The following DSC1 variants were observed in gnomAD, a reference collection of about 807,000 sequenced individuals.
DSC1 encodes the protein desmocollin-1.
A neutral mutation model predicts 98.8 loss-of-function variants in DSC1; 79 were observed. The observed-to-expected ratio is 0.80, with a 90% CI of 0.67 to 0.96. DSC1 has a LOEUF of 0.96. Among genes scored for constraint, DSC1 ranks in the 50% least tolerant of loss-of-function variants. The pLI is 0.00. For synonymous variants in DSC1, 405 were observed against 372.1 expected (o/e 1.09, Z -1.02); for missense variants, 1,115 against 1,075.9 (o/e 1.04, Z -0.51).
chr18:31,155,919 A>C (rs760776536), intron 4 of DSC1, 124 bp downstream of exon 4: 37 of 1,016,378 alleles, frequency 3.6e-5, no homozygotes, highest in African/African-American at 6.5e-5. Context: ...GTTCTGGTGA[A>C]TAGATGATCA....
intron 7 of DSC1, among the ~76,000 whole-genome samples, chr18:31,144,941 T>C (rs1474007506): frequency 2.4e-5 from 3 of 125,150 alleles, no homozygotes; most frequent in Admixed American, 7.7e-5. Context: ...TTTTTCTTTC[T>C]TTTTTTTTTT....
chr18:31,150,218 A>AT (rs1988941297), intron 5 of DSC1, among the ~76,000 whole-genome samples: 2 of 144,188 alleles, frequency 1.4e-5, no homozygotes, highest in African/African-American at 2.6e-5. Flanking sequence ...CACCACCATC[A>AT]CCACCACTAC....
chr18:31,157,536 G>T lies in DSC1; in HGVS notation c.186C>A (p.Ile62=). The change falls in exon 3 of 16, where the codon ATC becomes ATA. Residue 62 remains isoleucine (I), a synonymous_variant. Coordinates refer to ENST00000257198, the MANE Select transcript of DSC1 (RefSeq NM_024421.2). ...LEECLKSASL[I]RSSDPAFRIL... is the part of the protein sequence containing the mutation. ...TTCTGAAGGCAGGGTCACTGGACCG[G>T]ATTAGGCTGGCCGACTTGAGACACT... 6.2e-7 allele frequency: 1 copy of T among 1,614,190 alleles called. No individual in the cohort carries two copies. The highest frequency in any genetic ancestry group is 8.5e-7 in the Non-Finnish European group (1 of 1,180,034).
intron 9 of DSC1, 40 bp downstream of exon 9, chr18:31,141,959 G>A (rs12458919): frequency 0.22 from 334,105 of 1,552,126 alleles, 41,969 homozygotes; most frequent in East Asian, 0.57. Context: ...GCGTGAGTTA[G>A]GATATTTTAA....
intron 5 of DSC1, among the ~76,000 whole-genome samples, chr18:31,153,057 C>T (rs1989031463): frequency 6.6e-6 from 1 of 151,616 alleles, no homozygotes; most frequent in South Asian, 2.1e-4. Context: ...AAATTTCAAC[C>T]TATTTTATTC....
Position 31,162,495 on chromosome 18 carries a change from C to A in DSC1, c.63+37G>T, listed in dbSNP as rs376968115. 1.7e-5 allele frequency: 27 copies of A among 1,604,130 alleles called. No individual in the cohort carries two copies. The Admixed American group carries it at 4.5e-4, about 27-fold the overall frequency. ...ACTGCAGAGAGGAAGCAGGTAGTAA[C>A]ATGCTTGAATTCCCTAATCCTTTGG... On this transcript the variant is annotated intron_variant, in intron 1 of 15. Coordinates refer to ENST00000257198, the MANE Select transcript of DSC1 (RefSeq NM_024421.2).
chr18:31,159,049 T>TTTTTTTTTTTTTTG (rs1989156606), intron 2 of DSC1, among the ~76,000 whole-genome samples: 2 of 85,710 alleles, frequency 2.3e-5, no homozygotes, highest in South Asian at 6.4e-4. Flanking sequence ...ACTATGTGGT[T>TTTTTTTTTTTTTTG]TTTTTTTTTT....
rs372121800 is a variant in DSC1 at position 31,149,095 on chromosome 18, G to C, written c.628-453C>G. The stretch of plus-strand genomic sequence containing the variant: ...ATATTTTCTCATTTTTCTATGGTAA[G>C]CATGTATTTCTTTGCAATAAAAATG... On this transcript the variant is annotated intron_variant, in intron 5 of 15. Transcript: ENST00000257198. 5.3e-5 allele frequency among the ~76,000 whole-genome samples: 8 copies of C among 152,204 alleles called. No homozygotes were observed. In the South Asian group the frequency reaches 8.3e-4, roughly 16 times the overall value.
At chr18:31,143,633 G>T in intron 8 of DSC1, 24 bp downstream of exon 8, 3 of 1,478,480 alleles carry the variant, frequency 2.0e-6, no homozygotes, top group Non-Finnish European at 2.7e-6. Flanking sequence ...AAATCTAGAT[G>T]AATGAATAGA....
intron 2 of DSC1, 112 bp from the exon 3 acceptor site, chr18:31,157,685 A>G: frequency 2.7e-6 from 3 of 1,125,944 alleles, no homozygotes; most frequent in East Asian, 2.4e-5. Flanking sequence ...GGGAGGTTAC[A>G]TTTGGAATGT....
rs921570519 is a variant in DSC1, at chr18:31,148,402, A to G, written c.772+96T>C. 12 of 1,381,728 alleles carry G rather than the reference A, an allele frequency of 8.7e-6. No individual in the cohort carries two copies. The African/African-American group carries it at 1.7e-4, about 20-fold the overall frequency. The allele number at this position is 1,381,728 out of a possible 1,614,324, so 85.6% of individuals were successfully genotyped here. On this transcript the variant is annotated intron_variant, in intron 6 of 15. Coordinates refer to ENST00000257198, the MANE Select transcript of DSC1 (RefSeq NM_024421.2). Reference sequence around the variant, plus strand: ...TGTAATCAGAAATACCAGAAAATGCATAAAATGCAATGATAAAACGTAAAC... The same window carrying G: ...TGTAATCAGAAATACCAGAAAATGCGTAAAATGCAATGATAAAACGTAAAC...
At position 31,130,493 on chromosome 18, in the gene DSC1, T is replaced by A. The variant is rs376901348; in HGVS notation, c.*21A>T. 226 of 1,613,260 alleles carry A rather than the reference T, an allele frequency of 1.4e-4. No individual in the cohort carries two copies. In the African/African-American group the frequency reaches 2.7e-3, roughly 19 times the overall value. On this transcript the variant is annotated 3_prime_UTR_variant, in exon 16 of 16. Coordinates refer to ENST00000257198, the MANE Select transcript of DSC1 (RefSeq NM_024421.2). ...ATTCCTACTTATGCATCTGTGGATA[T>A]TACACTATTAAAAGGCACATTTATT...
Position 31,162,827 on chromosome 18 carries a change from G to C in DSC1, c.-233C>G, listed in dbSNP as rs558651347. 9.7e-6 allele frequency: 5 copies of C among 513,616 alleles called. No individual in the cohort carries two copies. The Admixed American group carries it at 1.0e-4, about 11-fold the overall frequency. The allele number at this position is 513,616 out of a possible 1,614,324, so 31.8% of individuals were successfully genotyped here. On this transcript the variant is annotated 5_prime_UTR_variant, in exon 1 of 16. Transcript: ENST00000257198. ...GTCTCCTTCCTTCCAGTTCAATTAC[G>C]TCTAAATGCAAAGAGGCTTTCCTAC... is the stretch of plus-strand genomic sequence containing the variant.
intron 2 of DSC1, among the ~76,000 whole-genome samples, chr18:31,158,257 A>G (rs1466171077): frequency 6.6e-6 from 1 of 152,194 alleles, no homozygotes; most frequent in Non-Finnish European, 1.5e-5. Context: ...ACAGAGCAAG[A>G]CTTTGTCTCT....
rs574705080 is a variant in DSC1 at position 31,134,147 on chromosome 18, C to G, written c.1877-17G>C. On this transcript the variant is annotated splice_polypyrimidine_tract_variant and intron_variant, in intron 12 of 15. Transcript: ENST00000257198. ...CAGTTTTACCTAGGGAAAAAAAAGA[C>G]AGAATATATATGGATTGGCTGTTTA... 4.4e-6 allele frequency: 7 copies of G among 1,598,668 alleles called. No homozygotes were observed. In the South Asian group the frequency reaches 7.7e-5, roughly 18 times the overall value.
intron 5 of DSC1, among the ~76,000 whole-genome samples, chr18:31,149,956 T>C (rs1375336914): frequency 2.0e-5 from 3 of 151,926 alleles, no homozygotes; most frequent in Non-Finnish European, 2.9e-5. Context: ...ATCAATAAAT[T>C]CTAAATTCAG....
chr18:31,147,080 G>C (rs72926569), intron 6 of DSC1, among the ~76,000 whole-genome samples: 33,268 of 152,038 alleles, frequency 0.22, 4,188 homozygotes, highest in East Asian at 0.56. Flanking sequence ...TTAAAACAAA[G>C]TAGTCAGTCT....
At chr18:31,151,881 G>T (rs879664960) in intron 5 of DSC1, among the ~76,000 whole-genome samples, 2 of 152,184 alleles carry the variant, frequency 1.3e-5, no homozygotes, top group African/African-American at 2.4e-5. Context: ...ATTACAAGAG[G>T]CCGGGCACAG....
At chr18:31,134,203 C>T (rs762470368) in intron 12 of DSC1, 73 bp from the exon 13 acceptor site, 3 of 1,500,518 alleles carry the variant, frequency 2.0e-6, no homozygotes, top group Middle Eastern at 1.8e-4. Flanking sequence ...TCAATATTCT[C>T]AGTGGAAGGG....
Sources: allele counts gnomAD v4.1 joint callset (sites outside exome capture counted in the v4.1 genomes callset), GRCh38; gene constraint gnomAD v4.1.1; transcripts MANE v1.5; gene names NCBI Gene and HGNC (gene_info 2026-07-23, HGNC 2026-07-21).